ZNF100: variants seen among roughly 807,000 people sequenced by gnomAD.
ZNF100 encodes the protein zinc finger protein 100, also known as zinc finger protein 100 (Y1).
ZNF100 carries 12 observed loss-of-function variants against 15.8 expected under a neutral mutation model. That is an observed-to-expected ratio of 0.76 (90% confidence interval 0.49 to 1.23). ZNF100 has a LOEUF of 1.23. Among genes scored for constraint, ZNF100 ranks in the 50% most tolerant of loss-of-function variants. ZNF100 has a pLI of 0.00. For missense variants in ZNF100, 670 were observed against 635.6 expected (o/e 1.05, Z -0.58); for synonymous variants, 226 against 214.8 (o/e 1.05, Z -0.45).
chr19:21,743,316 GAATA>G (rs991194256), intron 4 of ZNF100: 65 of 152,304 alleles, frequency 4.3e-4, no homozygotes, highest in African/African-American at 1.5e-3. Context: ...TGGATTGAAA[GAATA>G]AATATTGTTA....
At chr19:21,744,177 T>A in intron 3 of ZNF100, 62 bp from the exon 4 acceptor site, 2 of 1,363,494 alleles carry the variant, frequency 1.5e-6, no homozygotes, top group Non-Finnish European at 2.0e-6. Flanking sequence ...CCTAGTACTA[T>A]GCTTAGTAAA....
chr19:21,742,023 G>T (rs1033334674), intron 4 of ZNF100, among the ~76,000 whole-genome samples: 5 of 152,130 alleles, frequency 3.3e-5, no homozygotes, highest in East Asian at 1.9e-4. Flanking sequence ...TAGGCTGGGC[G>T]CGGTGGCCCA....
chr19:21,761,193 CTT>C (rs2036478505), intron 2 of ZNF100, among the ~76,000 whole-genome samples: 1 of 152,088 alleles, frequency 6.6e-6, no homozygotes, highest in African/African-American at 2.4e-5. Flanking sequence ...ATCACTGATC[CTT>C]TGTTTTGTTT....
At position 21,755,122 on chromosome 19, in the gene ZNF100, G is replaced by C. The variant is rs1045914093; in HGVS notation, c.97-10055C>G. 3.9e-5 allele frequency among the ~76,000 whole-genome samples: 6 copies of C among 152,192 alleles called. No homozygotes were observed. In the East Asian group the frequency reaches 9.7e-4, roughly 25 times the overall value. ...GAGGTCGGGAGTTCAAGACCAGCCT[G>C]GCCAACATGGAGAAACCCGTCTCTA... On this transcript the variant is annotated intron_variant, in intron 2 of 4. Coordinates refer to ENST00000358296, the MANE Select transcript of ZNF100 (RefSeq NM_173531.4).
chr19:21,741,456 C>A (rs2036106409), intron 4 of ZNF100, among the ~76,000 whole-genome samples: 1 of 152,072 alleles, frequency 6.6e-6, no homozygotes, highest in East Asian at 1.9e-4. Context: ...CTCACTGCAA[C>A]CTCTGGCTCC....
chr19:21,762,209 A>T (rs2036493986), intron 2 of ZNF100, among the ~76,000 whole-genome samples: 1 of 152,192 alleles, frequency 6.6e-6, no homozygotes, highest in Non-Finnish European at 1.5e-5. Context: ...ACTCCTAAAC[A>T]AAACAGTCAC....
intron 4 of ZNF100, among the ~76,000 whole-genome samples, chr19:21,736,924 A>G (rs758869046): frequency 6.6e-6 from 1 of 152,134 alleles, no homozygotes; most frequent in Non-Finnish European, 1.5e-5. Flanking sequence ...AGCACTAAAT[A>G]CCCACATCAA....
In ZNF100 at chr19:21,727,104, C is replaced by T; in HGVS notation, c.1208G>A (p.Cys403Tyr). ...GTTAAAGCCTTTGCCGCATTCTTCA[C>T]ATTTGTAGAATTTCTCTCCAGTATG... ...TSHTGEKFYK[C>Y]EECGKGFNWS... The change falls in exon 5 of 5, where the codon TGT (cysteine) becomes TAT (tyrosine). Residue 403 changes from cysteine (C) to tyrosine (Y), a missense_variant. By Grantham distance (194) the Cys-to-Tyr change is radical. Transcript: ENST00000358296. The T allele has an allele frequency of 6.2e-7, 1 of 1,613,588 alleles. No individual in the cohort carries two copies. Among genetic ancestry groups the T allele is most frequent in the East Asian group, 2.2e-5 (1 of 44,846 alleles).
At position 21,726,938 on chromosome 19, in the gene ZNF100, T is replaced by G. The variant is rs1205016674; in HGVS notation, c.1374A>C (p.Lys458Asn). ...TAAAGGCTTTGCCACATTCGTCACA[T>G]TTGTAGGGTTTCTCTCCAGTATGAA... The part of the protein sequence containing the change: ...KMIHTGEKPY[K>N]CDECGKAFNR... The change falls in exon 5 of 5, where the codon AAA becomes AAC. Residue 458 changes from lysine (K) to asparagine (N), a missense_variant. Transcript: ENST00000358296. 1 of 1,611,272 alleles carries G rather than the reference T, an allele frequency of 6.2e-7. No individual in the cohort carries two copies. Among genetic ancestry groups the G allele is most frequent in the Non-Finnish European group, 8.5e-7 (1 of 1,178,996 alleles).
chr19:21,745,280 GTA>G (rs1190443167), intron 2 of ZNF100, among the ~76,000 whole-genome samples: 1 of 152,168 alleles, frequency 6.6e-6, no homozygotes, highest in Non-Finnish European at 1.5e-5. Context: ...CAACACCAGT[GTA>G]TATATGACAC....
At position 21,744,133 on chromosome 19, in the gene ZNF100, AAC is replaced by A. The variant is rs775919522; in HGVS notation, c.224-20_224-19del. 604 of 1,577,182 alleles carry A rather than the reference AAC, an allele frequency of 3.8e-4. 1 individual carries two copies. Among genetic ancestry groups the A allele is most frequent in the Middle Eastern group, 1.9e-3 (11 of 5,918 alleles). ...AATACCTGCTTTATTAGAAATAAAT[AAC>A]ATGAATCTTTCTCATATTCTCCAAT... On this transcript the variant is annotated intron_variant, in intron 3 of 4. Coordinates refer to ENST00000358296, the MANE Select transcript of ZNF100 (RefSeq NM_173531.4).
At chr19:21,738,194 T>A (rs12978145) in intron 4 of ZNF100, among the ~76,000 whole-genome samples, 13,550 of 124,498 alleles carry the variant, frequency 0.11, 824 homozygotes, top group South Asian at 0.21. Context: ...GAGGTTGCAA[T>A]GAGCCGAGAT....
In ZNF100 at chr19:21,767,448, T is replaced by C. The variant is rs1387577569; in HGVS notation, c.-19A>G. 6.2e-7 allele frequency: 1 copy of C among 1,613,810 alleles called. No homozygotes were observed. The highest frequency in any genetic ancestry group is 8.5e-7 in the Non-Finnish European group (1 of 1,179,926). ...TCACCATTTCTAGGCTTCTAGGGGG[T>C]CCTGGCGTCTTAGCTGTGGATCTCC... On this transcript the variant is annotated 5_prime_UTR_variant, in exon 1 of 5. Coordinates refer to ENST00000358296, the MANE Select transcript of ZNF100 (RefSeq NM_173531.4).
chr19:21,735,287 G>A (rs190677227), intron 4 of ZNF100, among the ~76,000 whole-genome samples: 197 of 152,276 alleles, frequency 1.3e-3, no homozygotes, highest in African/African-American at 4.0e-3. Flanking sequence ...GAGGTCAGGA[G>A]ATCGAGACCA....
At chr19:21,759,240 CTA>C (rs1304677713) in intron 2 of ZNF100, among the ~76,000 whole-genome samples, 3 of 151,952 alleles carry the variant, frequency 2.0e-5, no homozygotes, top group Non-Finnish European at 2.9e-5. Context: ...AACACTGCAG[CTA>C]TGTTTACAGA....
chr19:21,730,525 C>G (rs1016566561), intron 4 of ZNF100, among the ~76,000 whole-genome samples: 9 of 150,926 alleles, frequency 6.0e-5, no homozygotes, highest in African/African-American at 1.9e-4. Flanking sequence ...ATTGATAGAA[C>G]TGAAGAAACA....
At chr19:21,745,327 C>CACA (rs1201391191) in intron 2 of ZNF100, among the ~76,000 whole-genome samples, 4 of 152,112 alleles carry the variant, frequency 2.6e-5, no homozygotes, top group Admixed American at 6.5e-5. Context: ...AGAGCATAAA[C>CACA]ACAAACATAT....
rs2035752890 is a variant in ZNF100 at position 21,725,094 on chromosome 19, A to G, written c.*1589T>C. 2 of 152,132 alleles carry G rather than the reference A, an allele frequency of 1.3e-5. No individual in the cohort carries two copies. Among genetic ancestry groups the G allele is most frequent in the Non-Finnish European group, 1.5e-5 (1 of 68,022 alleles). 9.4% of individuals were successfully genotyped at this position (152,132 alleles called of 1,614,324 possible). A position where few individuals can be genotyped will look rare whatever the true frequency, so the allele number is the denominator to read the frequency against. On this transcript the variant is annotated 3_prime_UTR_variant, in exon 5 of 5. Transcript: ENST00000358296. ...AAACAAAAATTTAACCTACAGAAAT[A>G]ATATTCTTTAACTTATTTGCAGTCA...
At chr19:21,739,311 T>A (rs2036066400) in intron 4 of ZNF100, among the ~76,000 whole-genome samples, 1 of 152,218 alleles carries the variant, frequency 6.6e-6, no homozygotes, top group South Asian at 2.1e-4. Flanking sequence ...ATTTCAACAA[T>A]TTGGAAGACA....
Sources: gnomAD v4.1 joint callset for allele counts (sites outside exome capture counted in the v4.1 genomes callset) on GRCh38, gnomAD v4.1.1 for gene constraint, MANE v1.5 for transcripts, NCBI Gene and HGNC (gene_info 2026-07-23, HGNC 2026-07-21) for gene names.